The following CRLF1 variants were observed in gnomAD, a reference collection of about 807,000 sequenced individuals.
CRLF1 encodes the protein cytokine receptor like factor 1, also known as cytokine receptor-like factor 1.
Under a neutral mutation model 48.9 loss-of-function variants are expected in CRLF1, and 36 were observed. The observed-to-expected ratio is 0.74, with a 90% confidence interval of 0.56 to 0.97. CRLF1 has a LOEUF of 0.97. Ranked by LOEUF, CRLF1 falls within the 50% of genes least tolerant of loss-of-function variation. The pLI is 0.00. For synonymous variants in CRLF1, 256 were observed against 253.4 expected, an observed-to-expected ratio of 1.01 and a Z score of -0.10; for missense variants, 534 against 575.1, an observed-to-expected ratio of 0.93 and a Z score of 0.73.
chr19:18,596,541 A>C, intron 6 of CRLF1, 81 bp downstream of exon 6: 1 of 1,533,830 alleles, frequency 6.5e-7, no homozygotes, highest in Non-Finnish European at 8.8e-7. Flanking sequence ...AGAAAAAAAA[A>C]AGAAAAGAAA....
At chr19:18,600,657 C>T (rs930478818) in intron 1 of CRLF1, among the ~76,000 whole-genome samples, 11 of 151,868 alleles carry the variant, frequency 7.2e-5, no homozygotes, top group South Asian at 2.1e-4. Context: ...TGAGCCACTG[C>T]GCCTGGCCAA....
Position 18,593,430 on chromosome 19 carries a change from T to C in CRLF1, c.*136A>G. 1.6e-6 allele frequency: 2 copies of C among 1,269,842 alleles called. No homozygotes were observed. The highest frequency in any genetic ancestry group is 1.4e-5 in the South Asian group (1 of 73,982). 78.7% of individuals were successfully genotyped at this position (1,269,842 alleles called of 1,614,324 possible). ...GTGGGAGTCAGAGCTGTTATGGCCG[T>C]TGGAGCTCAGGGGCCACCCCAGCTC... is the stretch of plus-strand genomic sequence containing the variant. On this transcript the variant is annotated 3_prime_UTR_variant, in exon 9 of 9. Coordinates refer to ENST00000392386, the MANE Select transcript of CRLF1 (RefSeq NM_004750.5).
intron 2 of CRLF1, chr19:18,599,187 C>A (rs1214398554): frequency 1.2e-6 from 1 of 854,196 alleles, no homozygotes; most frequent in Non-Finnish European, 1.4e-6. Context: ...CTCACTGCAA[C>A]TTCCGCCTCC....
At position 18,594,394 on chromosome 19, in the gene CRLF1, G is replaced by A. The variant is rs770841163; in HGVS notation, c.1065C>T (p.Gly355=). 4.0e-5 allele frequency: 63 copies of A among 1,579,752 alleles called. No homozygotes were observed. In the Admixed American group the frequency reaches 5.5e-4, roughly 14 times the overall value. The change falls in exon 7 of 9, where the codon GGC becomes GGT. Residue 355 remains glycine (G), a synonymous_variant. Coordinates refer to ENST00000392386, the MANE Select transcript of CRLF1 (RefSeq NM_004750.5). ...GCACCGGCCCCGAGCTCGGCTCTCC[G>A]CCCCGCGGTTCGCACGCCCCGCCGC... ...GPGGGACEPR[G]GEPSSGPVRR... is the part of the protein sequence containing the mutation.
intron 1 of CRLF1, among the ~76,000 whole-genome samples, chr19:18,604,278 G>A (rs1048132798): frequency 3.3e-5 from 5 of 152,172 alleles, no homozygotes; most frequent in Non-Finnish European, 5.9e-5. Context: ...GACACCGGGC[G>A]GCGACGGGTT....
intron 6 of CRLF1, among the ~76,000 whole-genome samples, chr19:18,595,803 C>T (rs1381258449): frequency 6.6e-6 from 1 of 152,198 alleles, no homozygotes; most frequent in Non-Finnish European, 1.5e-5. Context: ...AAATCCCAGA[C>T]AGCAAGAGGA....
chr19:18,597,171 G>T, intron 4 of CRLF1, 122 bp from the exon 5 acceptor site: 1 of 1,014,524 alleles, frequency 9.9e-7, no homozygotes, highest in Non-Finnish European at 1.4e-6. Flanking sequence ...TCTTCCCTCT[G>T]CCCCCACCCC....
chr19:18,603,859 C>T (rs1008004228), intron 1 of CRLF1, among the ~76,000 whole-genome samples: 62 of 110,936 alleles, frequency 5.6e-4, no homozygotes, highest in Middle Eastern at 8.3e-3. Flanking sequence ...GCCGGCTGAG[C>T]GGGCCAGAGC....
At chr19:18,595,719 G>A (rs997683590) in intron 6 of CRLF1, among the ~76,000 whole-genome samples, 2 of 152,360 alleles carry the variant, frequency 1.3e-5, no homozygotes, top group East Asian at 1.9e-4. Context: ...ATGGGGAAAC[G>A]GAGGCCAGAC....
At chr19:18,593,611 G>A in intron 8 of CRLF1, 32 bp from the exon 9 acceptor site, 1 of 1,591,882 alleles carries the variant, frequency 6.3e-7, no homozygotes, top group Non-Finnish European at 8.6e-7. Flanking sequence ...AGCTAAGCAG[G>A]GAGTCCAGGA....
chr19:18,598,401 G>C (rs767323724), intron 4 of CRLF1, 31 bp downstream of exon 4: 1 of 1,590,400 alleles, frequency 6.3e-7, no homozygotes. Flanking sequence ...CTGGTGCCGA[G>C]GGAGGGGCCT....
intron 1 of CRLF1, among the ~76,000 whole-genome samples, chr19:18,604,420 A>T (rs977012858): frequency 9.9e-5 from 15 of 152,214 alleles, no homozygotes; most frequent in African/African-American, 2.4e-5. Context: ...AACCTGGCCA[A>T]TTGACTTCCC....
At chr19:18,594,032 T>TTGCG in intron 8 of CRLF1, 33 bp downstream of exon 8, 3 of 695,812 alleles carry the variant, frequency 4.3e-6, no homozygotes, top group Non-Finnish European at 6.6e-6. Flanking sequence ...CTCCCCTTGC[T>TTGCG]CCCTCCCGCC....
chr19:18,606,408 G>GACGCAGA lies in CRLF1; in HGVS notation c.115+133_115+134insTCTGCGT. On this transcript the variant is annotated intron_variant, in intron 1 of 8. Transcript: ENST00000392386. The surrounding 1 kb of genome is among the most constrained non-coding windows in gnomAD (Gnocchi z 4.8). ...GCCCCGCAGGTGAGGGCGCCCCGAG[G>GACGCAGA]GCTGCGCCGGGGGCGCCTTCCTTTG... 3.0e-6 allele frequency: 2 copies of GACGCAGA among 660,362 alleles called. No individual in the cohort carries two copies. Among genetic ancestry groups the GACGCAGA allele is most frequent in the Non-Finnish European group, 3.8e-6 (2 of 524,588 alleles). The allele number at this position is 660,362 out of a possible 1,614,324, so 40.9% of individuals were successfully genotyped here. A position where few individuals can be genotyped will look rare whatever the true frequency, so the allele number is the denominator to read the frequency against.
At chr19:18,597,634 T>C (rs1028027893) in intron 4 of CRLF1, among the ~76,000 whole-genome samples, 13 of 151,852 alleles carry the variant, frequency 8.6e-5, no homozygotes, top group Non-Finnish European at 1.9e-4. Flanking sequence ...GTTTCACCGT[T>C]TTTTAGCCGG....
At chr19:18,605,210 G>C (rs1415085406) in intron 1 of CRLF1, among the ~76,000 whole-genome samples, 1 of 151,986 alleles carries the variant, frequency 6.6e-6, no homozygotes, top group African/African-American at 2.4e-5. Context: ...GCTCACAGTG[G>C]CACTCACAGG....
At position 18,594,373 on chromosome 19, in the gene CRLF1, C is replaced by T. The variant is rs779007210; in HGVS notation, c.1086G>A (p.Pro362=). Residue 362 remains proline (P), a synonymous_variant, in exon 7 of 9, where the codon CCG becomes CCA. Transcript: ENST00000392386. The part of the protein sequence containing the change: ...EPRGGEPSSG[P]VRRELKQFLG... Reference sequence around the variant, plus strand: ...GGAACTGCTTGAGCTCGCGCCGCACCGGCCCCGAGCTCGGCTCTCCGCCCC... The same window carrying T: ...GGAACTGCTTGAGCTCGCGCCGCACTGGCCCCGAGCTCGGCTCTCCGCCCC... 3 of 1,605,958 alleles carry T rather than the reference C, an allele frequency of 1.9e-6. No individual in the cohort carries two copies. Among genetic ancestry groups the T allele is most frequent in the African/African-American group, 1.3e-5 (1 of 74,580 alleles).
Position 18,596,910 on chromosome 19 carries a change from C to T in CRLF1, c.837G>A (p.Glu279=). Residue 279 remains glutamate, a synonymous_variant, in exon 5 of 9, where the codon GAG becomes GAA. Transcript: ENST00000392386. The part of the protein sequence containing the change: ...QAKYQIRYRV[E]DSVDWKVVDD... ...GGGTCACCTTCCAGTCCACACTGTCCTCCACTCGGTAGCGGATCTGGTATT... is the reference window on the plus strand; with the variant it reads ...GGGTCACCTTCCAGTCCACACTGTCTTCCACTCGGTAGCGGATCTGGTATT... The T allele has an allele frequency of 6.2e-7, 1 of 1,614,102 alleles. No homozygotes were observed. The highest frequency in any genetic ancestry group is 8.5e-7 in the Non-Finnish European group (1 of 1,180,022).
At chr19:18,604,545 A>T (rs1976264385) in intron 1 of CRLF1, among the ~76,000 whole-genome samples, 1 of 152,162 alleles carries the variant, frequency 6.6e-6, no homozygotes, top group Non-Finnish European at 1.5e-5. Flanking sequence ...CAGAAGCCTG[A>T]AGCCCCCAGG....
Sources: allele counts gnomAD v4.1 joint callset (sites outside exome capture counted in the v4.1 genomes callset), GRCh38; gene constraint gnomAD v4.1.1; non-coding constraint Gnocchi (gnomAD v3.1); transcripts MANE v1.5; gene names NCBI Gene and HGNC (gene_info 2026-07-23, HGNC 2026-07-21).